The following CACNA2D3 variants were observed in gnomAD, a reference collection of about 807,000 sequenced individuals.
CACNA2D3 encodes the protein calcium voltage-gated channel auxiliary subunit alpha2delta 3.
Under a neutral mutation model 160.6 loss-of-function variants are expected in CACNA2D3, and 60 were observed. The observed-to-expected ratio is 0.37, with a 90% CI of 0.30 to 0.46. The LOEUF (loss-of-function observed/expected upper bound fraction) is 0.46. CACNA2D3 is among the 20% of genes least tolerant of loss of function. The probability of loss-of-function intolerance (pLI) is 1.00; values close to 1 mark genes in which losing one functional copy is unlikely to be tolerated. For synonymous variants in CACNA2D3, 558 were observed against 492.9 expected (o/e 1.13, Z -1.75); for missense variants, 1,205 against 1,365.0 (o/e 0.88, Z 1.85).
In CACNA2D3 at chr3:54,570,090, T is replaced by C; in HGVS notation, c.874T>C (p.Phe292Leu). ...GGATACACTTGGGGATGATGACTTCTTCAACATAATTGCTGTGAGTGCACC... is the reference window on the plus strand; with the variant it reads ...GGATACACTTGGGGATGATGACTTCCTCAACATAATTGCTGTGAGTGCACC... ...ILDTLGDDDF[F>L]NIIAYNEELH... The change falls in exon 8 of 38, where the codon TTC becomes CTC. Residue 292 changes from phenylalanine (F) to leucine (L), a missense_variant. This residue lies in a region of CACNA2D3 where 911 missense variants were observed against 1,002.2 expected (regional missense o/e 0.91). Transcript: ENST00000474759. 1.9e-6 allele frequency: 3 copies of C among 1,613,508 alleles called. No homozygotes were observed. Among genetic ancestry groups the C allele is most frequent in the Non-Finnish European group, 2.5e-6 (3 of 1,179,516 alleles).
At chr3:54,144,886 G>A (rs1276498923) in intron 2 of CACNA2D3, among the ~76,000 whole-genome samples, 4 of 152,176 alleles carry the variant, frequency 2.6e-5, no homozygotes, top group African/African-American at 9.7e-5. Flanking sequence ...TCAAGCTTAG[G>A]ACTATAGGAA....
intron 2 of CACNA2D3, among the ~76,000 whole-genome samples, chr3:54,223,945 C>CT (rs1275202032): frequency 7.2e-5 from 11 of 151,934 alleles, no homozygotes; most frequent in Non-Finnish European, 2.9e-5. Flanking sequence ...ATATTTGAAG[C>CT]TTTTTGACTC....
chr3:55,066,613 C>CA (rs1326817848), intron 35 of CACNA2D3, among the ~76,000 whole-genome samples: 3 of 152,130 alleles, frequency 2.0e-5, no homozygotes, highest in African/African-American at 7.2e-5. Flanking sequence ...TCTGTCTTGT[C>CA]ACGGGAGGCT....
intron 2 of CACNA2D3, among the ~76,000 whole-genome samples, chr3:54,307,906 G>A (rs979596024): frequency 1.3e-4 from 20 of 152,200 alleles, no homozygotes; most frequent in African/African-American, 4.8e-4. Context: ...TCAAATAGCA[G>A]TTTTATTTGA....
intron 11 of CACNA2D3, among the ~76,000 whole-genome samples, chr3:54,668,424 G>T (rs370242048): frequency 7.7e-4 from 117 of 152,292 alleles, no homozygotes; most frequent in African/African-American, 2.7e-3. Context: ...CAATGAAGCT[G>T]ACATGTGGGT....
chr3:54,971,355 T>C (rs1702273410), intron 29 of CACNA2D3, among the ~76,000 whole-genome samples: 1 of 152,170 alleles, frequency 6.6e-6, no homozygotes, highest in African/African-American at 2.4e-5. Flanking sequence ...AACTCAATAG[T>C]AGTAGTGATT....
chr3:55,007,950 C>T (rs1703132099), intron 33 of CACNA2D3, 108 bp downstream of exon 33: 2 of 685,350 alleles, frequency 2.9e-6, no homozygotes, highest in Non-Finnish European at 4.6e-6. Flanking sequence ...CATTAGATTC[C>T]TAGTACTCTG....
At chr3:54,595,029 A>G (rs965263328) in intron 9 of CACNA2D3, among the ~76,000 whole-genome samples, 1 of 152,174 alleles carries the variant, frequency 6.6e-6, no homozygotes, top group Non-Finnish European at 1.5e-5. Flanking sequence ...TCTTCTAAAG[A>G]TTTGTTCTAT....
chr3:54,760,362 A>G (rs1702060182), intron 12 of CACNA2D3, among the ~76,000 whole-genome samples: 1 of 152,114 alleles, frequency 6.6e-6, no homozygotes, highest in African/African-American at 2.4e-5. Context: ...TTGGCATGTG[A>G]GAGGCGGGGA....
intron 2 of CACNA2D3, among the ~76,000 whole-genome samples, chr3:54,239,337 A>G (rs4928020): frequency 0.57 from 87,110 of 152,154 alleles, 25,673 homozygotes; most frequent in African/African-American, 0.7. Flanking sequence ...AAGGTTAACC[A>G]CTATCCCAAA....
chr3:54,124,816 G>A (rs1340649373), intron 2 of CACNA2D3, among the ~76,000 whole-genome samples: 1 of 152,204 alleles, frequency 6.6e-6, no homozygotes, highest in Non-Finnish European at 1.5e-5. Flanking sequence ...GTTTGGGAAG[G>A]TGTTCTTGAA....
At chr3:54,862,421 G>A (rs1245912507) in intron 17 of CACNA2D3, among the ~76,000 whole-genome samples, 1 of 151,756 alleles carries the variant, frequency 6.6e-6, no homozygotes, top group African/African-American at 2.4e-5. Flanking sequence ...ACACGCACAC[G>A]TGATGAAGGC....
chr3:54,405,014 G>C (rs1360034412), intron 4 of CACNA2D3, among the ~76,000 whole-genome samples: 2 of 151,214 alleles, frequency 1.3e-5, no homozygotes, highest in Admixed American at 1.3e-4. Context: ...AAATTGAAGA[G>C]GACACAAATA....
At chr3:54,145,676 C>G (rs1341714298) in intron 2 of CACNA2D3, among the ~76,000 whole-genome samples, 1 of 152,188 alleles carries the variant, frequency 6.6e-6, no homozygotes, top group African/African-American at 2.4e-5. Flanking sequence ...ATCCTCAGCA[C>G]CCAGTGCAGG....
chr3:54,528,615 A>C (rs138221419), intron 5 of CACNA2D3, among the ~76,000 whole-genome samples: 139 of 152,098 alleles, frequency 9.1e-4, no homozygotes, highest in African/African-American at 3.2e-3. Context: ...AACCTTACTT[A>C]TTTCTTTTTT....
chr3:54,589,289 C>A (rs1261039307), intron 9 of CACNA2D3, among the ~76,000 whole-genome samples: 3 of 152,040 alleles, frequency 2.0e-5, no homozygotes, highest in Admixed American at 6.6e-5. Flanking sequence ...ATCTTTTCAA[C>A]AAATGGCTCT....
At chr3:54,921,868 T>A (rs910429542) in intron 27 of CACNA2D3, among the ~76,000 whole-genome samples, 4 of 152,242 alleles carry the variant, frequency 2.6e-5, no homozygotes, top group Admixed American at 1.3e-4. Context: ...GTTATGTCGG[T>A]TAGCCTGCCC....
chr3:54,911,596 C>A (rs141257835), intron 27 of CACNA2D3, among the ~76,000 whole-genome samples: 201 of 152,122 alleles, frequency 1.3e-3, no homozygotes, highest in Admixed American at 5.2e-3. Context: ...TGTACAGAGT[C>A]TGACCACTTC....
chr3:55,003,729 C>G (rs1263543383), intron 31 of CACNA2D3, among the ~76,000 whole-genome samples: 2 of 152,024 alleles, frequency 1.3e-5, no homozygotes, highest in Admixed American at 1.3e-4. Flanking sequence ...AGAAGTTGGC[C>G]TGGGCTCTAG....
Sources: allele counts gnomAD v4.1 joint callset (sites outside exome capture counted in the v4.1 genomes callset), GRCh38; gene constraint gnomAD v4.1.1; regional missense constraint gnomAD v4.1.1; transcripts MANE v1.5; gene names NCBI Gene and HGNC (gene_info 2026-07-23, HGNC 2026-07-21).